The following ADAMTS16 variants were observed in gnomAD, a reference collection of about 807,000 sequenced individuals.
The protein encoded by ADAMTS16 is ADAM metallopeptidase with thrombospondin type 1 motif 16.
In ADAMTS16, 94 loss-of-function variants were observed where a neutral mutation model predicts 145.8. The ratio of observed to expected loss-of-function variants is 0.64; its 90% CI spans 0.55 to 0.77. ADAMTS16 has a LOEUF of 0.77. ADAMTS16 is among the 30% of genes least tolerant of loss of function. The pLI is 0.00. For synonymous variants in ADAMTS16, 659 were observed against 604.3 expected (o/e 1.09, Z -1.33); for missense variants, 1,585 against 1,591.5 (o/e 1.00, Z 0.07).
At chr5:5,258,417 G>A (rs140843969) in intron 17 of ADAMTS16, among the ~76,000 whole-genome samples, 178 of 152,358 alleles carry the variant, frequency 1.2e-3, no homozygotes, top group African/African-American at 4.1e-3. Context: ...GCCTTTGTTA[G>A]AAATGCAAAT....
intron 18 of ADAMTS16, among the ~76,000 whole-genome samples, chr5:5,263,935 G>A (rs376118881): frequency 3.3e-5 from 5 of 152,090 alleles, no homozygotes; most frequent in African/African-American, 9.7e-5. Flanking sequence ...TGGTGAGGGC[G>A]GAGAATTTTA....
intron 3 of ADAMTS16, among the ~76,000 whole-genome samples, chr5:5,172,744 T>A (rs545626314): frequency 5.8e-4 from 89 of 152,316 alleles, no homozygotes; most frequent in South Asian, 1.7e-3. Context: ...TCTGTAAATA[T>A]CTATTAGGTT....
intron 3 of ADAMTS16, among the ~76,000 whole-genome samples, chr5:5,181,129 T>C (rs976355486): frequency 8.5e-5 from 13 of 152,210 alleles, no homozygotes; most frequent in Non-Finnish European, 1.5e-4. Flanking sequence ...TGTTCACTGA[T>C]ATTGAAGAAA....
intron 9 of ADAMTS16, among the ~76,000 whole-genome samples, chr5:5,201,988 GTCT>G (rs1396801204): frequency 2.6e-5 from 4 of 151,344 alleles, no homozygotes; most frequent in Non-Finnish European, 4.4e-5. Context: ...CACAAATTAA[GTCT>G]TCTTATTTCT....
In ADAMTS16 at chr5:5,269,335, A is replaced by C. The variant is rs892194166; in HGVS notation, c.2789+6552A>C. On this transcript the variant is annotated intron_variant, in intron 18 of 22. Transcript: ENST00000274181. This position sits in a 1 kb window ranked among gnomAD's most constrained non-coding sequence, Gnocchi z 4.3. Reference sequence around the variant, plus strand: ...CCCCAACTCTTGACCCACTGTGCACATGGAGCTCAGCAGTAAATGCTACCC... The same window carrying C: ...CCCCAACTCTTGACCCACTGTGCACCTGGAGCTCAGCAGTAAATGCTACCC... 1.3e-5 allele frequency among the ~76,000 whole-genome samples: 2 copies of C among 151,992 alleles called. No individual in the cohort carries two copies. The highest frequency in any genetic ancestry group is 2.9e-5 in the Non-Finnish European group (2 of 68,000).
intron 17 of ADAMTS16, among the ~76,000 whole-genome samples, chr5:5,254,696 C>T (rs530037694): frequency 1.2e-4 from 18 of 152,256 alleles, no homozygotes; most frequent in African/African-American, 3.1e-4. Context: ...AATATATTAA[C>T]ATATTTTCTT....
chr5:5,315,278 CG>C (rs1296956991), intron 21 of ADAMTS16, among the ~76,000 whole-genome samples: 1 of 152,040 alleles, frequency 6.6e-6, no homozygotes, highest in Non-Finnish European at 1.5e-5. Flanking sequence ...CCTGGTCATG[CG>C]GGGATTATGG....
chr5:5,235,004 C>T lies in ADAMTS16; in HGVS notation c.1851-10C>T, dbSNP rs761038431. 6.5e-7 allele frequency: 1 copy of T among 1,527,398 alleles called. No individual in the cohort carries two copies. Among genetic ancestry groups the T allele is most frequent in the Non-Finnish European group, 8.9e-7 (1 of 1,128,088 alleles). 94.6% of individuals were successfully genotyped at this position (1,527,398 alleles called of 1,614,324 possible). ...ATATAAAAATTCTAACTTCAAAATA[C>T]ACATTCCAGGCCATCGCATGGAGGG... On this transcript the variant is annotated splice_polypyrimidine_tract_variant and intron_variant, in intron 12 of 22. Coordinates refer to ENST00000274181, the MANE Select transcript of ADAMTS16 (RefSeq NM_139056.4).
intron 3 of ADAMTS16, among the ~76,000 whole-genome samples, chr5:5,180,823 C>T (rs971943783): frequency 2.6e-5 from 4 of 152,304 alleles, no homozygotes; most frequent in Admixed American, 1.3e-4. Context: ...TTCTACATCT[C>T]TATTTCCTCA....
intron 17 of ADAMTS16, among the ~76,000 whole-genome samples, chr5:5,259,461 A>G (rs1238851717): frequency 6.6e-6 from 1 of 152,248 alleles, no homozygotes; most frequent in African/African-American, 2.4e-5. Flanking sequence ...TTATTTTGCC[A>G]AGGTTAAGGA....
At chr5:5,271,469 C>T (rs1043588044) in intron 18 of ADAMTS16, among the ~76,000 whole-genome samples, 20 of 152,398 alleles carry the variant, frequency 1.3e-4, no homozygotes, top group Non-Finnish European at 2.9e-5. Context: ...AAGCAGCCTA[C>T]GGCCCTCCCG....
chr5:5,226,891 T>C (rs777986513), intron 11 of ADAMTS16, among the ~76,000 whole-genome samples: 3 of 152,332 alleles, frequency 2.0e-5, no homozygotes, highest in African/African-American at 7.2e-5. Context: ...GGTTCCTCTG[T>C]GGTCACCCCA....
At chr5:5,244,464 A>G (rs1737382160) in intron 17 of ADAMTS16, among the ~76,000 whole-genome samples, 1 of 152,226 alleles carries the variant, frequency 6.6e-6, no homozygotes, top group African/African-American at 2.4e-5. Context: ...CAGCCATATC[A>G]GATTCAAGTC....
chr5:5,319,406 G>A lies in ADAMTS16; in HGVS notation c.*268G>A. ...CTGTGGCTCGTGAGGCAGAAGGCAG[G>A]CACCACAACGGGAGAGGCAGCACTC... On this transcript the variant is annotated 3_prime_UTR_variant, in exon 23 of 23. Transcript: ENST00000274181. 1 of 477,642 alleles carries A rather than the reference G, an allele frequency of 2.1e-6. No individual in the cohort carries two copies. Among genetic ancestry groups the A allele is most frequent in the Non-Finnish European group, 3.8e-6 (1 of 262,930 alleles). 29.6% of individuals were successfully genotyped at this position (477,642 alleles called of 1,614,324 possible). A position where few individuals can be genotyped will look rare whatever the true frequency, so the allele number is the denominator to read the frequency against.
At chr5:5,278,222 G>A (rs908086406) in intron 18 of ADAMTS16, among the ~76,000 whole-genome samples, 16 of 152,044 alleles carry the variant, frequency 1.1e-4, no homozygotes, top group East Asian at 3.9e-4. Flanking sequence ...TCAATGACCC[G>A]GTGCCAAGAA....
In ADAMTS16 at chr5:5,306,695, G is replaced by T. The variant is rs775184972; in HGVS notation, c.3378G>T (p.Ser1126=). The T allele has an allele frequency of 6.2e-7, 1 of 1,612,916 alleles. No individual in the cohort carries two copies. Among genetic ancestry groups the T allele is most frequent in the Non-Finnish European group, 8.5e-7 (1 of 1,179,626 alleles). ...RHPPFAAAGP[S]RGSWFASPWS... is the part of the protein sequence containing the mutation. ...CCCCATTTGCTGCTGCGGGACCCTC[G>T]AGGGGCAGCTGGTTTGCCTCACCCT... Residue 1126 remains serine (S), a synonymous_variant, in exon 21 of 23, where the codon TCG becomes TCT. Transcript: ENST00000274181.
Position 5,303,401 on chromosome 5 carries a change from C to T in ADAMTS16, c.2923C>T (p.Pro975Ser). The T allele has an allele frequency of 6.2e-7, 1 of 1,606,694 alleles. No homozygotes were observed. Among genetic ancestry groups the T allele is most frequent in the Non-Finnish European group, 8.5e-7 (1 of 1,176,994 alleles). Residue 975 changes from proline (P) to serine (S), a missense_variant, in exon 19 of 23, where the codon CCC (proline) becomes TCC (serine). Around this residue, in one of 3 missense-constraint regions of ADAMTS16, gnomAD observed 834 missense variants for 811.7 expected, o/e 1.03. Transcript: ENST00000274181. Reference sequence around the variant, plus strand: ...GGCCAGCCTGTGCCCTCAGCCTGCTCCCTCCAGCAGGCAGGCCTGCAACTC... The same window carrying T: ...GGCCAGCCTGTGCCCTCAGCCTGCTTCCTCCAGCAGGCAGGCCTGCAACTC... ...VPASLCPQPA[P>S]SSRQACNSQS...
intron 17 of ADAMTS16, among the ~76,000 whole-genome samples, chr5:5,242,603 C>G (rs139437709): frequency 1.3e-5 from 2 of 152,186 alleles, no homozygotes; most frequent in East Asian, 3.9e-4. Context: ...TTGTTCAAAA[C>G]GTTTCCTGGA....
rs1246866891 is a variant in ADAMTS16, at chr5:5,172,383, C to T, written c.502-9661C>T. Among the ~76,000 whole-genome samples, 3 of 151,828 alleles carry T rather than the reference C, an allele frequency of 2.0e-5. No individual in the cohort carries two copies. In the East Asian group the frequency reaches 5.8e-4, roughly 29 times the overall value. ...TACTTTATTGATGTAGGCAGTTATA[C>T]CTATAAACTTTTCTTTTAGTATGCT... On this transcript the variant is annotated intron_variant, in intron 3 of 22. Coordinates refer to ENST00000274181, the MANE Select transcript of ADAMTS16 (RefSeq NM_139056.4).
Sources: allele counts gnomAD v4.1 joint callset (sites outside exome capture counted in the v4.1 genomes callset), GRCh38; gene constraint gnomAD v4.1.1; regional missense constraint gnomAD v4.1.1; non-coding constraint Gnocchi (gnomAD v3.1); transcripts MANE v1.5; gene names NCBI Gene and HGNC (gene_info 2026-07-23, HGNC 2026-07-21).